NUP153: variants seen among roughly 807,000 people sequenced by gnomAD.
The protein encoded by NUP153 is nucleoporin 153.
Under a neutral mutation model 134.6 loss-of-function variants are expected in NUP153, and 27 were observed. The observed-to-expected ratio is 0.20, with a 90% CI of 0.15 to 0.28. NUP153 has a LOEUF of 0.28. Ranked by LOEUF, NUP153 falls within the 10% of genes least tolerant of loss-of-function variation. The pLI, the probability that NUP153 is intolerant of heterozygous loss-of-function variation, is 1.00. For missense variants in NUP153, 1,821 were observed against 1,731.3 expected, an observed-to-expected ratio of 1.05 and a Z score of -0.92; for synonymous variants, 640 against 623.5, an observed-to-expected ratio of 1.03 and a Z score of -0.40.
rs957611105 is a variant in NUP153, at chr6:17,625,387, G to A, written c.3901+421C>T. Reference sequence around the variant, plus strand: ...TCTACTAAAAATACAAAAATTAGGTGGGTGTGGTGGCGGGCACCTGTAATC... The same window carrying A: ...TCTACTAAAAATACAAAAATTAGGTAGGTGTGGTGGCGGGCACCTGTAATC... On this transcript the variant is annotated intron_variant, in intron 19 of 21. Coordinates refer to ENST00000262077, the MANE Select transcript of NUP153 (RefSeq NM_005124.4). This position sits in a 1 kb window ranked among gnomAD's most constrained non-coding sequence, Gnocchi z 4.7. 6.6e-6 allele frequency among the ~76,000 whole-genome samples: 1 copy of A among 152,150 alleles called. No homozygotes were observed. Among genetic ancestry groups the A allele is most frequent in the South Asian group, 2.1e-4 (1 of 4,818 alleles).
intron 12 of NUP153, 146 bp downstream of exon 12, chr6:17,649,017 A>T: frequency 1.3e-6 from 1 of 760,388 alleles, no homozygotes; most frequent in South Asian, 2.4e-5. Flanking sequence ...TTTTTTAAAA[A>T]AGCAAAACAG....
rs1768037823 is a variant in NUP153 at position 17,673,482 on chromosome 6, T to C, written c.852+1423A>G. On this transcript the variant is annotated intron_variant, in intron 5 of 21. Coordinates refer to ENST00000262077, the MANE Select transcript of NUP153 (RefSeq NM_005124.4). ...GAAAAATGAACTCTCTCAAAATTTA[T>C]TAATAAGAAAATAACCCAATTTTTA... Among the ~76,000 whole-genome samples the C allele has an allele frequency of 2.0e-5, 3 of 152,142 alleles. No homozygotes were observed. In the South Asian group the frequency reaches 6.2e-4, roughly 31 times the overall value.
intron 16 of NUP153, among the ~76,000 whole-genome samples, chr6:17,635,964 C>T (rs1765527412): frequency 6.6e-6 from 1 of 152,158 alleles, no homozygotes; most frequent in South Asian, 2.1e-4. Context: ...ATTAATTTTG[C>T]TTTCCTGCAT....
intron 1 of NUP153, among the ~76,000 whole-genome samples, chr6:17,694,465 C>T (rs1019618055): frequency 1.3e-5 from 2 of 152,076 alleles, no homozygotes; most frequent in African/African-American, 4.8e-5. Flanking sequence ...TCAAGACCAG[C>T]CTGGCCAACA....
chr6:17,702,293 G>C (rs1770164217), intron 1 of NUP153, among the ~76,000 whole-genome samples: 1 of 152,066 alleles, frequency 6.6e-6, no homozygotes, highest in Non-Finnish European at 1.5e-5. Context: ...GGATCACAAG[G>C]TCAGGAGATC....
chr6:17,635,518 T>C (rs970783510), intron 16 of NUP153, among the ~76,000 whole-genome samples: 2 of 152,078 alleles, frequency 1.3e-5, no homozygotes, highest in Non-Finnish European at 2.9e-5. Context: ...CCTCCCACTT[T>C]GGCCTCCTAA....
intron 11 of NUP153, chr6:17,651,991 A>G: frequency 1.9e-6 from 1 of 520,094 alleles, no homozygotes; most frequent in Non-Finnish European, 3.7e-6. Flanking sequence ...GCTACTTGGG[A>G]GGCTCAGGTG....
rs746471079 is a variant in NUP153 at position 17,675,803 on chromosome 6, C to A, written c.335-33G>T. ...GAAAAGCATTAATATTATGAATATA[C>A]AACTTAGAGCGATACACTACCACAA... On this transcript the variant is annotated intron_variant, in intron 2 of 21. Coordinates refer to ENST00000262077, the MANE Select transcript of NUP153 (RefSeq NM_005124.4). The surrounding 1 kb of genome is among the most constrained non-coding windows in gnomAD (Gnocchi z 4.4). 6 of 1,593,612 alleles carry A rather than the reference C, an allele frequency of 3.8e-6. No individual in the cohort carries two copies. The South Asian group carries it at 6.6e-5, about 18-fold the overall frequency.
chr6:17,702,091 G>A (rs1174704362), intron 1 of NUP153, among the ~76,000 whole-genome samples: 2 of 152,044 alleles, frequency 1.3e-5, no homozygotes, highest in African/African-American at 4.8e-5. Flanking sequence ...AAAGCAAGCA[G>A]CCTGACCTCT....
intron 15 of NUP153, among the ~76,000 whole-genome samples, chr6:17,637,991 C>T (rs747422708): frequency 1.3e-5 from 2 of 152,176 alleles, no homozygotes; most frequent in Non-Finnish European, 2.9e-5. Context: ...GTTTTGTTTA[C>T]AGGATATCAC....
At chr6:17,637,950 C>T (rs1765647116) in intron 15 of NUP153, among the ~76,000 whole-genome samples, 180 bp from the exon 16 acceptor site, 1 of 152,172 alleles carries the variant, frequency 6.6e-6, no homozygotes, top group South Asian at 2.1e-4. Context: ...TAATAAGTTA[C>T]ACTTAAACCA....
At chr6:17,616,717 T>C in intron 20 of NUP153, 22 bp from the exon 21 acceptor site, 1 of 1,600,604 alleles carries the variant, frequency 6.2e-7, no homozygotes, top group Non-Finnish European at 8.5e-7. Flanking sequence ...AAAGCAGAAA[T>C]ACTTCATTAG....
chr6:17,672,129 T>C (rs1173928815), intron 5 of NUP153, among the ~76,000 whole-genome samples: 3 of 151,446 alleles, frequency 2.0e-5, no homozygotes, highest in Non-Finnish European at 4.4e-5. Context: ...AAGAACAAAA[T>C]TGGACTACTC....
rs745587447 is a variant in NUP153, at chr6:17,640,070, A to G, written c.1721-6T>C. On this transcript the variant is annotated splice_polypyrimidine_tract_variant and splice_region_variant and intron_variant, in intron 14 of 21. Transcript: ENST00000262077. ...CACTGTAGTGACATGATGAGCTGTA[A>G]TTTTTTTAAATTTAATAACATTATG... is the stretch of plus-strand genomic sequence containing the variant. 20 of 1,537,720 alleles carry G rather than the reference A, an allele frequency of 1.3e-5. No individual in the cohort carries two copies. Among genetic ancestry groups the G allele is most frequent in the Non-Finnish European group, 1.7e-5 (19 of 1,145,092 alleles).
intron 2 of NUP153, among the ~76,000 whole-genome samples, chr6:17,681,548 C>A (rs2113841627): frequency 6.6e-6 from 1 of 152,226 alleles, no homozygotes. Context: ...TGCCACTGTA[C>A]TCCAGCCTGG....
chr6:17,702,324 G>A (rs1291898634), intron 1 of NUP153, among the ~76,000 whole-genome samples: 3 of 152,078 alleles, frequency 2.0e-5, no homozygotes, highest in African/African-American at 7.2e-5. Context: ...TGGCTAACAC[G>A]GTGAAACCCC....
intron 2 of NUP153, among the ~76,000 whole-genome samples, chr6:17,684,948 T>G (rs978516978): frequency 2.0e-4 from 31 of 152,224 alleles, no homozygotes; most frequent in Admixed American, 1.8e-3. Context: ...ATTACAATAG[T>G]AATACCAAAG....
At chr6:17,635,701 T>C (rs1442621771) in intron 16 of NUP153, among the ~76,000 whole-genome samples, 8 of 152,298 alleles carry the variant, frequency 5.3e-5, no homozygotes, top group East Asian at 1.9e-4. Flanking sequence ...GTCTGGCCTA[T>C]TGCCTATATG....
intron 5 of NUP153, among the ~76,000 whole-genome samples, chr6:17,674,165 T>C (rs1240522374): frequency 2.6e-5 from 4 of 152,132 alleles, no homozygotes; most frequent in Non-Finnish European, 4.4e-5. Flanking sequence ...CAGAGGGTTG[T>C]AGGAGAAGGG....
Sources: allele counts gnomAD v4.1 joint callset (sites outside exome capture counted in the v4.1 genomes callset), GRCh38; gene constraint gnomAD v4.1.1; non-coding constraint Gnocchi (gnomAD v3.1); transcripts MANE v1.5; gene names NCBI Gene and HGNC (gene_info 2026-07-23, HGNC 2026-07-21).